RNF213: variants seen among roughly 807,000 people sequenced by gnomAD.
RNF213 encodes the protein E3 ubiquitin-protein ligase RNF213.
In RNF213, 341 loss-of-function variants were observed where a neutral mutation model predicts 514.4. The ratio of observed to expected loss-of-function variants is 0.66; its 90% CI spans 0.61 to 0.73. The LOEUF is 0.73. Among genes scored for constraint, RNF213 ranks in the 30% least tolerant of loss-of-function variants. The pLI is 0.00. For missense variants in RNF213, 5,767 were observed against 6,615.6 expected, an observed-to-expected ratio of 0.87 and a Z score of 4.45; for synonymous variants, 2,655 against 2,658.2, an observed-to-expected ratio of 1.00 and a Z score of 0.04.
chr17:80,294,656 A>C, intron 8 of RNF213, 64 bp from the exon 9 acceptor site: 1 of 1,575,244 alleles, frequency 6.3e-7, no homozygotes, highest in East Asian at 2.2e-5. Context: ...CTTCTAGGCT[A>C]GTGTCTAGGT....
At chr17:80,269,820 T>A (rs2043759937) in intron 2 of RNF213, among the ~76,000 whole-genome samples, 1 of 152,252 alleles carries the variant, frequency 6.6e-6, no homozygotes, top group Non-Finnish European at 1.5e-5. Flanking sequence ...CTACATATTC[T>A]ATAGTTCTGC....
intron 42 of RNF213, chr17:80,364,957 G>A: frequency 3.3e-6 from 1 of 303,322 alleles, no homozygotes; most frequent in Admixed American, 4.6e-5. Context: ...AATGCCACCG[G>A]GGTTTGGGGT....
Position 80,377,062 on chromosome 17 carries a change from G to A in RNF213, c.13510+99G>A. ...GTTCGACTTGGGGTCCACGTGGTTT[G>A]TGCCTCAGGGTCCAAAACCACCTGC... is the stretch of plus-strand genomic sequence containing the variant. On this transcript the variant is annotated intron_variant, in intron 53 of 67. Transcript: ENST00000582970. The surrounding 1 kb of genome is among the most constrained non-coding windows in gnomAD (Gnocchi z 4.1). 2.1e-6 allele frequency: 2 copies of A among 935,516 alleles called. No homozygotes were observed. Among genetic ancestry groups the A allele is most frequent in the Non-Finnish European group, 3.4e-6 (2 of 589,968 alleles). The allele number at this position is 935,516 out of a possible 1,614,324, so 58.0% of individuals were successfully genotyped here. A position where few individuals can be genotyped will look rare whatever the true frequency, so the allele number is the denominator to read the frequency against.
At chr17:80,283,538 A>G (rs1445403367) in intron 3 of RNF213, among the ~76,000 whole-genome samples, 1 of 152,160 alleles carries the variant, frequency 6.6e-6, no homozygotes, top group African/African-American at 2.4e-5. Context: ...TCCTGCCTCC[A>G]GCCTCCCCGG....
At position 80,363,587 on chromosome 17, in the gene RNF213, G is replaced by A. The variant is rs1269090097; in HGVS notation, c.11569-22G>A. 5.0e-6 allele frequency: 8 copies of A among 1,612,234 alleles called. No individual in the cohort carries two copies. The East Asian group carries it at 6.7e-5, about 13-fold the overall frequency. ...GGTGGGAGGGGCACCGCTCAGCCAC[G>A]CCCTGCTGTCCGTCTCCCCAGACCC... On this transcript the variant is annotated intron_variant, in intron 40 of 67. Coordinates refer to ENST00000582970, the MANE Select transcript of RNF213 (RefSeq NM_001256071.3).
rs377356572 is a variant in RNF213 at position 80,291,822 on chromosome 17, C to T, written c.1466C>T (p.Ser489Leu). 4.5e-4 allele frequency: 731 copies of T among 1,614,194 alleles called. 9 individuals are homozygous for T. In the South Asian group the frequency reaches 7.5e-3, roughly 17 times the overall value. Residue 489 changes from serine (S) to leucine (L), a missense_variant, in exon 8 of 68, where the codon TCA (serine) becomes TTA (leucine). Ser to Leu is a moderately radical substitution (Grantham distance 145). Around this residue, in one of 13 missense-constraint regions of RNF213, gnomAD observed 592 missense variants for 673.9 expected, o/e 0.88. Coordinates refer to ENST00000582970, the MANE Select transcript of RNF213 (RefSeq NM_001256071.3). ...TTCATAAAATCTTCACTTCTGGGCT[C>T]AGGAGGTAAGTCGTGGCAGCAGGCT... ...CLFIKSSLLG[S>L]GDWHQYYDIV... is the part of the protein sequence containing the mutation.
intron 40 of RNF213, 137 bp downstream of exon 40, chr17:80,363,451 G>GT: frequency 8.3e-7 from 1 of 1,206,336 alleles, no homozygotes; most frequent in Non-Finnish European, 1.2e-6. Flanking sequence ...ATTCAGAGAT[G>GT]TTAAGGACAC....
At chr17:80,386,199 T>C in intron 61 of RNF213, 51 bp from the exon 62 acceptor site, 1 of 1,551,806 alleles carries the variant, frequency 6.4e-7, no homozygotes, top group South Asian at 1.1e-5. Flanking sequence ...GCCTAGATTC[T>C]GTGAGGAGTT....
Position 80,371,998 on chromosome 17 carries a change from T to G in RNF213, c.12537+13T>G, listed in dbSNP as rs746880231. The G allele has an allele frequency of 5.3e-6, 7 of 1,320,482 alleles. No homozygotes were observed. The Admixed American group carries it at 1.2e-4, about 22-fold the overall frequency. The allele number at this position is 1,320,482 out of a possible 1,614,324, so 81.8% of individuals were successfully genotyped here. ...CAACTGCCTGGAGGTAAGTGAACTC[T>G]CTCTTCCCTGAATTTCTTTTGGAAA... On this transcript the variant is annotated intron_variant, in intron 47 of 67. Transcript: ENST00000582970.
At position 80,394,607 on chromosome 17, in the gene RNF213, C is replaced by T. The variant is rs150668463; in HGVS notation, c.*1109C>T. ...AGCACAGCTATTGATATGTTAGAGG[C>T]AGTATCCTTAATATTCATTCTAAAT... On this transcript the variant is annotated 3_prime_UTR_variant, in exon 68 of 68. Coordinates refer to ENST00000582970, the MANE Select transcript of RNF213 (RefSeq NM_001256071.3). The T allele has an allele frequency of 6.6e-6, 1 of 152,342 alleles. No homozygotes were observed. The highest frequency in any genetic ancestry group is 2.4e-5 in the African/African-American group (1 of 41,578). The allele number at this position is 152,342 out of a possible 1,614,324, so 9.4% of individuals were successfully genotyped here. A position where few individuals can be genotyped will look rare whatever the true frequency, so the allele number is the denominator to read the frequency against.
Position 80,313,181 on chromosome 17 carries a change from C to T in RNF213, c.2811+14C>T, listed in dbSNP as rs200773996. ...AAGGAAATTGAGGTAGGCATTTGGCCGAAGGCTTCTGGGTAGGGATGTGAC... is the reference window on the plus strand; with the variant it reads ...AAGGAAATTGAGGTAGGCATTTGGCTGAAGGCTTCTGGGTAGGGATGTGAC... On this transcript the variant is annotated intron_variant, in intron 15 of 67. Coordinates refer to ENST00000582970, the MANE Select transcript of RNF213 (RefSeq NM_001256071.3). 4.3e-4 allele frequency: 697 copies of T among 1,613,796 alleles called. No homozygotes were observed. The highest frequency in any genetic ancestry group is 5.2e-4 in the Non-Finnish European group (614 of 1,180,016).
intron 14 of RNF213, among the ~76,000 whole-genome samples, chr17:80,311,680 C>G (rs1210372465): frequency 1.3e-5 from 2 of 152,222 alleles, no homozygotes; most frequent in Non-Finnish European, 2.9e-5. Flanking sequence ...CTCTCTCCCA[C>G]TCTCGGGCAG....
intron 3 of RNF213, chr17:80,278,993 C>T (rs1434894076): frequency 1.7e-5 from 26 of 1,508,560 alleles, no homozygotes; most frequent in African/African-American, 6.9e-5. Flanking sequence ...CTCGCACTTC[C>T]GGCCCTTGAG....
At chr17:80,361,330 C>A (rs1350418225) in intron 38 of RNF213, among the ~76,000 whole-genome samples, 1 of 152,154 alleles carries the variant, frequency 6.6e-6, no homozygotes, top group Admixed American at 6.5e-5. Context: ...ACCAGCCTGA[C>A]CAACATGGTG....
intron 15 of RNF213, chr17:80,316,668 T>C (rs1449696567): frequency 4.4e-6 from 1 of 226,772 alleles, no homozygotes; most frequent in African/African-American, 2.2e-5. Flanking sequence ...AGGGCTAGGG[T>C]CTTAGGAGAC....
chr17:80,268,865 G>T (rs79657648), intron 2 of RNF213, among the ~76,000 whole-genome samples: 2,891 of 152,258 alleles, frequency 0.019, 58 homozygotes, highest in East Asian at 0.11. Flanking sequence ...CCCATGGTAG[G>T]CCGTCTGCAA....
In RNF213 at chr17:80,319,692, A is replaced by T. The variant is rs892599441; in HGVS notation, c.3024+380A>T. 6.1e-5 allele frequency: 87 copies of T among 1,435,668 alleles called. No homozygotes were observed. In the East Asian group the frequency reaches 2.1e-3, roughly 34 times the overall value. 88.9% of individuals were successfully genotyped at this position (1,435,668 alleles called of 1,614,324 possible). A position where few individuals can be genotyped will look rare whatever the true frequency, so the allele number is the denominator to read the frequency against. On this transcript the variant is annotated intron_variant, in intron 17 of 67. Coordinates refer to ENST00000582970, the MANE Select transcript of RNF213 (RefSeq NM_001256071.3). ...GTGCGGGAAGAGACTCCAAAGGTTG[A>T]CAGAACATTTATGGAAGCAAAATAT...
At position 80,263,533 on chromosome 17, in the gene RNF213, A is replaced by G. The variant is rs1281738881; in HGVS notation, c.-108-41A>G. The G allele has an allele frequency of 2.8e-6, 2 of 719,104 alleles. No individual in the cohort carries two copies. Among genetic ancestry groups the G allele is most frequent in the Non-Finnish European group, 5.1e-6 (2 of 395,030 alleles). 44.5% of individuals were successfully genotyped at this position (719,104 alleles called of 1,614,324 possible). On this transcript the variant is annotated intron_variant, in intron 1 of 67. Coordinates refer to ENST00000582970, the MANE Select transcript of RNF213 (RefSeq NM_001256071.3). The surrounding 1 kb of genome is among the most constrained non-coding windows in gnomAD (Gnocchi z 4.9). ...CTGTGCTCCTGTTGGGTTTCCATTA[A>G]CCAGGGGACCAGCTGGGCTGCTGTG...
rs967826982 is a variant in RNF213, at chr17:80,385,716, C to A, written c.14539+95C>A. Reference sequence around the variant, plus strand: ...CTGACTCGGCCCATCCCTGTCAACACCCAGCACTGTGTTTGTTTGTTTTTG... The same window carrying A: ...CTGACTCGGCCCATCCCTGTCAACAACCAGCACTGTGTTTGTTTGTTTTTG... On this transcript the variant is annotated intron_variant, in intron 61 of 67. Transcript: ENST00000582970. The A allele has an allele frequency of 2.8e-5, 29 of 1,021,246 alleles. No individual in the cohort carries two copies. The African/African-American group carries it at 4.4e-4, about 16-fold the overall frequency. 63.3% of individuals were successfully genotyped at this position (1,021,246 alleles called of 1,614,324 possible). A position where few individuals can be genotyped will look rare whatever the true frequency, so the allele number is the denominator to read the frequency against.
Sources: allele counts gnomAD v4.1 joint callset (sites outside exome capture counted in the v4.1 genomes callset), GRCh38; gene constraint gnomAD v4.1.1; regional missense constraint gnomAD v4.1.1; non-coding constraint Gnocchi (gnomAD v3.1); transcripts MANE v1.5; gene names NCBI Gene and HGNC (gene_info 2026-07-23, HGNC 2026-07-21).